PIK3C2G: variants seen among roughly 807,000 people sequenced by gnomAD.
PIK3C2G encodes the protein phosphatidylinositol 3-kinase C2 domain-containing subunit gamma.
In PIK3C2G, 168 loss-of-function variants were observed where a neutral mutation model predicts 181.1. The observed-to-expected ratio is 0.93, with a 90% CI of 0.82 to 1.05. The LOEUF (loss-of-function observed/expected upper bound fraction) is 1.05. Among genes scored for constraint, PIK3C2G ranks in the 50% least tolerant of loss-of-function variants. The pLI is 0.00. For missense variants in PIK3C2G, 1,869 were observed against 1,732.8 expected, an observed-to-expected ratio of 1.08 and a Z score of -1.40; for synonymous variants, 573 against 592.2, an observed-to-expected ratio of 0.97 and a Z score of 0.47.
At chr12:18,659,680 T>TA in the PIK3C2G span, among the ~76,000 whole-genome samples, 1 of 148,422 alleles carries the variant, frequency 6.7e-6, no homozygotes, top group Non-Finnish European at 1.5e-5. Context: ...TTTTTTTTTT[T>TA]ACTATTATTA....
intron 8 of PIK3C2G, among the ~76,000 whole-genome samples, chr12:18,336,168 C>T (rs1053588466): frequency 3.3e-5 from 5 of 151,824 alleles, no homozygotes. Flanking sequence ...AAAATTTAGC[C>T]CTCATTATCT....
At chr12:18,382,274 T>C (rs968681822) in intron 14 of PIK3C2G, among the ~76,000 whole-genome samples, 1 of 152,228 alleles carries the variant, frequency 6.6e-6, no homozygotes, top group Admixed American at 6.5e-5. Context: ...TCTTCTGTTA[T>C]ATGTTTCTTA....
At chr12:18,524,642 T>A (rs150850209) in intron 24 of PIK3C2G, among the ~76,000 whole-genome samples, 1 of 151,740 alleles carries the variant, frequency 6.6e-6, no homozygotes, top group East Asian at 2.0e-4. Flanking sequence ...CTTGGCTCAC[T>A]GCAACCTCCG....
At chr12:18,405,938 A>G (rs1248539543) in intron 16 of PIK3C2G, among the ~76,000 whole-genome samples, 1 of 152,142 alleles carries the variant, frequency 6.6e-6, no homozygotes, top group East Asian at 1.9e-4. Flanking sequence ...CATTGTTATT[A>G]ACTCTGATCT....
the PIK3C2G span, among the ~76,000 whole-genome samples, chr12:18,707,065 A>G: frequency 6.6e-6 from 1 of 152,094 alleles, no homozygotes; most frequent in Admixed American, 6.6e-5. Context: ...TGGTGTATCA[A>G]ATCTCTCTCT....
chr12:18,719,703 A>C, the PIK3C2G span: 1 of 1,021,268 alleles, frequency 9.8e-7, no homozygotes, highest in Non-Finnish European at 1.4e-6. Context: ...ACTACATCTC[A>C]CTTGTAAACT....
chr12:18,520,888 C>T (rs569948692), intron 24 of PIK3C2G, among the ~76,000 whole-genome samples: 3 of 152,234 alleles, frequency 2.0e-5, no homozygotes, highest in East Asian at 1.9e-4. Context: ...TGTCTAGTTT[C>T]GATCTTTGAG....
chr12:18,411,286 G>A (rs995752524), intron 16 of PIK3C2G, among the ~76,000 whole-genome samples: 2 of 152,244 alleles, frequency 1.3e-5, no homozygotes, highest in East Asian at 1.9e-4. Flanking sequence ...ATGGCCTAGT[G>A]TTTTGGATAT....
In PIK3C2G at chr12:18,599,211, C is replaced by T. The variant is rs552842955; in HGVS notation, c.4087+4642C>T. Among the ~76,000 whole-genome samples, 1,161 of 152,170 alleles carry T rather than the reference C, an allele frequency of 7.6e-3. 11 individuals are homozygous for T. The highest frequency in any genetic ancestry group is 0.026 in the African/African-American group (1,092 of 41,514). On this transcript the variant is annotated intron_variant, in intron 30 of 32. Transcript: ENST00000538779. ...GACACATGCACACGTATGCTTATTG[C>T]GGCATTATTCACAATAGCAAAGACT...
Position 18,321,011 on chromosome 12 carries a change from T to C in PIK3C2G, c.1187T>C (p.Met396Thr). Residue 396 changes from methionine to threonine, a missense_variant, in exon 7 of 33, where the codon ATG becomes ACG. Transcript: ENST00000538779. ...QFYLNQLLEFMHIWKVSRQCL... is the reference protein window; with the variant it reads ...QFYLNQLLEFTHIWKVSRQCL... Reference sequence around the variant, plus strand: ...TATCTGAATCAACTTCTAGAATTTATGCATATTTGGAAAGTATCCAGGTAA... The same window carrying C: ...TATCTGAATCAACTTCTAGAATTTACGCATATTTGGAAAGTATCCAGGTAA... 6.4e-7 allele frequency: 1 copy of C among 1,560,238 alleles called. No individual in the cohort carries two copies. Among genetic ancestry groups the C allele is most frequent in the Non-Finnish European group, 8.8e-7 (1 of 1,135,558 alleles).
intron 13 of PIK3C2G, among the ~76,000 whole-genome samples, chr12:18,373,027 C>A (rs1345760080): frequency 6.6e-6 from 1 of 152,106 alleles, no homozygotes; most frequent in Non-Finnish European, 1.5e-5. Flanking sequence ...TCAAAAAAAA[C>A]CTGTTTCTCT....
At chr12:18,602,376 A>AGTCTG (rs1947776743) in intron 30 of PIK3C2G, among the ~76,000 whole-genome samples, 1 of 151,080 alleles carries the variant, frequency 6.6e-6, no homozygotes, top group Admixed American at 6.6e-5. Flanking sequence ...TCGCAGCAAG[A>AGTCTG]CCAGCCCAAG....
chr12:18,428,468 T>C (rs1487634953), intron 18 of PIK3C2G, among the ~76,000 whole-genome samples: 2 of 152,180 alleles, frequency 1.3e-5, no homozygotes, highest in Non-Finnish European at 2.9e-5. Context: ...ACACAGGTCT[T>C]GAGGTCTTCC....
intron 24 of PIK3C2G, among the ~76,000 whole-genome samples, chr12:18,530,883 G>A (rs1943518372): frequency 6.6e-6 from 1 of 152,048 alleles, no homozygotes; most frequent in Non-Finnish European, 1.5e-5. Context: ...GTAGAACTGT[G>A]AGTCAATTAA....
chr12:18,553,847 C>T (rs923431326), intron 26 of PIK3C2G, among the ~76,000 whole-genome samples: 2 of 152,078 alleles, frequency 1.3e-5, no homozygotes, highest in African/African-American at 4.8e-5. Flanking sequence ...CTTTTAGACT[C>T]ATATGCATTT....
At chr12:18,303,115 C>CTTTCTTTCT (rs1950253330) in intron 5 of PIK3C2G, among the ~76,000 whole-genome samples, 21 of 136,596 alleles carry the variant, frequency 1.5e-4, no homozygotes, top group African/African-American at 4.1e-4. Context: ...TCTTTCTTTC[C>CTTTCTTTCT]TTCTTTCTTT....
chr12:18,683,546 C>T, the PIK3C2G span: 2 of 1,501,434 alleles, frequency 1.3e-6, no homozygotes, highest in East Asian at 5.3e-5. Context: ...GCTCATACTT[C>T]TCCTTCCGCA....
At chr12:18,571,093 T>G (rs1222302050) in intron 29 of PIK3C2G, among the ~76,000 whole-genome samples, 1 of 150,952 alleles carries the variant, frequency 6.6e-6, no homozygotes, top group Non-Finnish European at 1.5e-5. Context: ...ACAAATTTGA[T>G]ATACAATACC....
chr12:18,721,590 T>C, the PIK3C2G span, among the ~76,000 whole-genome samples: 2 of 152,058 alleles, frequency 1.3e-5, no homozygotes, highest in African/African-American at 2.4e-5. Context: ...TTTGGTAATA[T>C]TCTCTAGATC....
Sources: gnomAD v4.1 joint callset for allele counts (sites outside exome capture counted in the v4.1 genomes callset) on GRCh38, gnomAD v4.1.1 for gene constraint, MANE v1.5 for transcripts, NCBI Gene and HGNC (gene_info 2026-07-23, HGNC 2026-07-21) for gene names.